Variants in SMPD4 observed in about 807,000 individuals in gnomAD.
SMPD4 encodes the protein neutral sphingomyelinase 3.
SMPD4 carries 58 observed loss-of-function variants against 97.8 expected under a neutral mutation model. The ratio of observed to expected loss-of-function variants is 0.59; its 90% CI spans 0.48 to 0.74. The LOEUF is 0.74. SMPD4 is among the 30% of genes least tolerant of loss of function. SMPD4 has a pLI of 0.00. For missense variants in SMPD4, 853 were observed against 1,080.5 expected, an observed-to-expected ratio of 0.79 and a Z score of 2.95; for synonymous variants, 388 against 450.0, an observed-to-expected ratio of 0.86 and a Z score of 1.74.
chr2:130,164,769 C>T (rs1687761524), intron 9 of SMPD4, among the ~76,000 whole-genome samples: 1 of 152,096 alleles, frequency 6.6e-6, no homozygotes, highest in African/African-American at 2.4e-5. Context: ...TAGACTTCAT[C>T]AAAATCAACA....
At chr2:130,181,329 A>G in intron 1 of SMPD4, 1 of 1,425,004 alleles carries the variant, frequency 7.0e-7, no homozygotes, top group South Asian at 1.5e-5. Context: ...CCGCGCGGGA[A>G]GGTGGCACAA....
chr2:130,164,597 C>A (rs1375834785), intron 9 of SMPD4, 152 bp from the exon 10 acceptor site: 4 of 623,960 alleles, frequency 6.4e-6, no homozygotes, highest in African/African-American at 5.6e-5. Flanking sequence ...ACACCATCAC[C>A]AAAAAATAAC....
chr2:130,176,477 C>T (rs1688989808), intron 2 of SMPD4, 77 bp downstream of exon 2: 1 of 1,230,582 alleles, frequency 8.1e-7, no homozygotes, highest in Non-Finnish European at 1.2e-6. Flanking sequence ...TTCTTCAAGT[C>T]AATGGGAAGA....
intron 11 of SMPD4, among the ~76,000 whole-genome samples, chr2:130,158,447 G>C (rs568607045): frequency 1.3e-5 from 2 of 152,214 alleles, no homozygotes; most frequent in East Asian, 3.9e-4. Context: ...CTCCTGAGTA[G>C]CTGGGACGAC....
intron 2 of SMPD4, 92 bp downstream of exon 2, chr2:130,176,462 C>G: frequency 1.9e-6 from 2 of 1,053,832 alleles, no homozygotes; most frequent in Middle Eastern, 2.1e-4. Flanking sequence ...ACAACCACTA[C>G]AGAGTTCTTC....
intron 12 of SMPD4, 150 bp from the exon 13 acceptor site, chr2:130,156,825 G>T (rs1416234486): frequency 6.5e-7 from 1 of 1,544,866 alleles, no homozygotes; most frequent in Non-Finnish European, 8.7e-7. Flanking sequence ...TTCAGAGGAA[G>T]AAATCAAGGT....
intron 2 of SMPD4, 121 bp from the exon 3 acceptor site, chr2:130,175,121 T>C (rs1688848292): frequency 4.4e-6 from 3 of 679,518 alleles, no homozygotes; most frequent in Non-Finnish European, 8.0e-6. Flanking sequence ...CCATAACCTC[T>C]GGCCTGGTTC....
Position 130,156,101 on chromosome 2 carries a change from C to A in SMPD4, c.1223G>T (p.Trp408Leu). The change falls in exon 14 of 20, where the codon TGG (tryptophan) becomes TTG (leucine). Residue 408 changes from tryptophan (W) to leucine (L), a missense_variant. Transcript: ENST00000680298. ...LEMWLSYLQPWRYAPDKQAPG... is the reference protein window; with the variant it reads ...LEMWLSYLQPLRYAPDKQAPG... Reference sequence around the variant, plus strand: ...AGCCTGCTTGTCAGGCGCGTACCGCCACGGCTGCAGGTAGCTCAGCCACAT... The same window carrying A: ...AGCCTGCTTGTCAGGCGCGTACCGCAACGGCTGCAGGTAGCTCAGCCACAT... 1 of 1,611,310 alleles carries A rather than the reference C, an allele frequency of 6.2e-7. No homozygotes were observed. The highest frequency in any genetic ancestry group is 1.7e-5 in the Admixed American group (1 of 60,018).
rs1687038502 is a variant in SMPD4 at position 130,158,332 on chromosome 2, T to C, written c.952-936A>G. The C allele has an allele frequency of 6.0e-6, 6 of 1,007,922 alleles. No homozygotes were observed. In the South Asian group the frequency reaches 6.2e-5, roughly 10 times the overall value. The allele number at this position is 1,007,922 out of a possible 1,614,324, so 62.4% of individuals were successfully genotyped here. A position where few individuals can be genotyped will look rare whatever the true frequency, so the allele number is the denominator to read the frequency against. ...TATTAGGCCAAACTTTTTTTTTTTT[T>C]CTTGAGACAACGTCTCCCTCTGTCG... is the stretch of plus-strand genomic sequence containing the variant. On this transcript the variant is annotated intron_variant, in intron 11 of 19. Coordinates refer to ENST00000680298, the MANE Select transcript of SMPD4 (RefSeq NM_017951.5).
chr2:130,169,962 T>C (rs972732325), intron 8 of SMPD4, among the ~76,000 whole-genome samples: 1 of 150,362 alleles, frequency 6.7e-6, no homozygotes, highest in Non-Finnish European at 1.5e-5. Context: ...CTTGGGAAGC[T>C]GAGGCGGGAA....
intron 1 of SMPD4, chr2:130,181,179 G>C (rs1487020208): frequency 2.2e-6 from 2 of 914,612 alleles, no homozygotes; most frequent in Non-Finnish European, 2.8e-6. Flanking sequence ...GGTCGAGCTG[G>C]GACCCACACC....
intron 10 of SMPD4, among the ~76,000 whole-genome samples, chr2:130,163,140 G>A (rs1687588906): frequency 6.6e-6 from 1 of 152,276 alleles, no homozygotes; most frequent in South Asian, 2.1e-4. Context: ...CCCCTGCCAG[G>A]CCACGCCACG....
rs1318635896 is a variant in SMPD4, at chr2:130,155,180, G to A, written c.1369C>T (p.Leu457=). ...GFLNRALRTD[L]VSPKHALMVF... The stretch of plus-strand genomic sequence containing the variant: ...ATGAGCGCGTGCTTGGGGCTGACCA[G>A]GTCTGTGCGGAGCGCGCGGTTCAGA... The change falls in exon 15 of 20, where the codon CTG becomes TTG. Residue 457 remains leucine, a synonymous_variant. Transcript: ENST00000680298. 3 of 1,614,102 alleles carry A rather than the reference G, an allele frequency of 1.9e-6. No individual in the cohort carries two copies. The highest frequency in any genetic ancestry group is 3.3e-5 in the Admixed American group (2 of 60,008).
At chr2:130,166,847 G>A (rs1425239962) in intron 9 of SMPD4, among the ~76,000 whole-genome samples, 2 of 152,240 alleles carry the variant, frequency 1.3e-5, no homozygotes, top group Non-Finnish European at 2.9e-5. Flanking sequence ...TGTGGAGGCT[G>A]CACAGACCCC....
rs1430578809 is a variant in SMPD4 at position 130,153,348 on chromosome 2, G to C, written c.1996C>G (p.Leu666Val). 1 of 1,613,862 alleles carries C rather than the reference G, an allele frequency of 6.2e-7. No individual in the cohort carries two copies. The highest frequency in any genetic ancestry group is 8.5e-7 in the Non-Finnish European group (1 of 1,180,030). ...LPDCIVGEDG[L>V]ILTPLGRYQI... ...TACCGCCCCAGGGGCGTAAGGATGA[G>C]TCCGTCCTCACCCACGATGCAGTCG... The change falls in exon 18 of 20, where the codon CTC (leucine) becomes GTC (valine). Residue 666 changes from leucine to valine, a missense_variant. Leu to Val is a conservative substitution (Grantham distance 32). Coordinates refer to ENST00000680298, the MANE Select transcript of SMPD4 (RefSeq NM_017951.5).
At chr2:130,155,711 C>G (rs1201776581) in intron 14 of SMPD4, among the ~76,000 whole-genome samples, 1 of 151,990 alleles carries the variant, frequency 6.6e-6, no homozygotes, top group Non-Finnish European at 1.5e-5. Flanking sequence ...GCTTGATCAC[C>G]GCTGCTCTGT....
At chr2:130,165,395 C>G (rs935918750) in intron 9 of SMPD4, among the ~76,000 whole-genome samples, 17 of 146,608 alleles carry the variant, frequency 1.2e-4, no homozygotes, top group African/African-American at 4.3e-4. Flanking sequence ...CACTCCACTC[C>G]AACCTGGGCA....
Position 130,177,558 on chromosome 2 carries a change from A to G in SMPD4, c.-45-921T>C, listed in dbSNP as rs538287798. Among the ~76,000 whole-genome samples the G allele has an allele frequency of 4.6e-5, 7 of 152,144 alleles. No individual in the cohort carries two copies. In the East Asian group the frequency reaches 1.4e-3, roughly 30 times the overall value. On this transcript the variant is annotated intron_variant, in intron 1 of 19. Coordinates refer to ENST00000680298, the MANE Select transcript of SMPD4 (RefSeq NM_017951.5). ...ACCAAAATACAAAAATTAGCCGGGC[A>G]TGATGGTGGGTGCCTATAATCCCAG... is the stretch of plus-strand genomic sequence containing the variant.
chr2:130,156,545 C>A (rs1231801530), intron 13 of SMPD4, 40 bp downstream of exon 13: 1 of 1,590,808 alleles, frequency 6.3e-7, no homozygotes, highest in Non-Finnish European at 8.6e-7. Context: ...TCAAGGCACA[C>A]AGAGGACACA....
Sources: gnomAD v4.1 joint callset for allele counts (sites outside exome capture counted in the v4.1 genomes callset) on GRCh38, gnomAD v4.1.1 for gene constraint, MANE v1.5 for transcripts, NCBI Gene and HGNC (gene_info 2026-07-23, HGNC 2026-07-21) for gene names.